The following PLXDC2 variants were observed in gnomAD, a reference collection of about 807,000 sequenced individuals.
PLXDC2 encodes plexin domain-containing protein 2.
A neutral mutation model predicts 68.9 loss-of-function variants in PLXDC2; 40 were observed. That is an observed-to-expected ratio of 0.58 (90% CI 0.45 to 0.76). The LOEUF (loss-of-function observed/expected upper bound fraction) is 0.76, where lower values mean the gene tolerates loss of function less well. Ranked by LOEUF, PLXDC2 falls within the 30% of genes least tolerant of loss-of-function variation. The probability of loss-of-function intolerance (pLI) is 0.00; values close to 1 mark genes in which losing one functional copy is unlikely to be tolerated. For missense variants in PLXDC2, 644 were observed against 661.9 expected (o/e 0.97, Z 0.30); for synonymous variants, 243 against 234.2 (o/e 1.04, Z -0.34).
intron 3 of PLXDC2, among the ~76,000 whole-genome samples, chr10:20,055,019 G>A (rs113300003): frequency 1.3e-3 from 195 of 152,122 alleles, no homozygotes; most frequent in African/African-American, 4.5e-3. Context: ...TTATCTTTCT[G>A]TATGTTGGTA....
chr10:19,960,385 AAGAAT>A (rs1022966134), intron 1 of PLXDC2, among the ~76,000 whole-genome samples: 3 of 151,964 alleles, frequency 2.0e-5, no homozygotes, highest in Non-Finnish European at 4.4e-5. Context: ...AATGAATAAG[AAGAAT>A]AAAATAAAAT....
intron 1 of PLXDC2, among the ~76,000 whole-genome samples, chr10:19,989,151 G>T (rs1831368645): frequency 6.6e-6 from 1 of 152,118 alleles, no homozygotes; most frequent in Non-Finnish European, 1.5e-5. Flanking sequence ...CTATGGTTTA[G>T]CCTGAGTAAG....
intron 6 of PLXDC2, among the ~76,000 whole-genome samples, chr10:20,150,571 A>G (rs1206011885): frequency 6.6e-6 from 1 of 152,138 alleles, no homozygotes; most frequent in African/African-American, 2.4e-5. Context: ...TTTCATTGCA[A>G]TCTAGTATAT....
intron 6 of PLXDC2, among the ~76,000 whole-genome samples, chr10:20,155,940 C>T (rs1318966547): frequency 1.3e-5 from 2 of 152,008 alleles, no homozygotes; most frequent in East Asian, 1.9e-4. Context: ...AGTGCAGTGG[C>T]GCGATCTCAG....
chr10:20,119,274 G>C (rs1833663019), intron 4 of PLXDC2, among the ~76,000 whole-genome samples: 1 of 152,074 alleles, frequency 6.6e-6, no homozygotes, highest in East Asian at 1.9e-4. Flanking sequence ...ATTTCACCTG[G>C]GTGCAGGCGG....
In PLXDC2 at chr10:19,881,177, A is replaced by G. The variant is rs866160532; in HGVS notation, c.112+63986A>G. 2.1e-4 allele frequency among the ~76,000 whole-genome samples: 32 copies of G among 151,980 alleles called. No homozygotes were observed. In the Middle Eastern group the frequency reaches 0.01, roughly 48 times the overall value. On this transcript the variant is annotated intron_variant, in intron 1 of 13. Transcript: ENST00000377252. ...GTCACCCAGGCTGGTGTGCAGTGGC[A>G]TGATCCCAACCTACTGCAACCTCTG...
At chr10:19,924,630 A>G (rs1456940596) in intron 1 of PLXDC2, among the ~76,000 whole-genome samples, 3 of 152,212 alleles carry the variant, frequency 2.0e-5, no homozygotes, top group African/African-American at 7.2e-5. Flanking sequence ...TAAAAAATAG[A>G]TATAAAATCC....
At chr10:19,842,180 A>C (rs1023613780) in intron 1 of PLXDC2, among the ~76,000 whole-genome samples, 2 of 152,168 alleles carry the variant, frequency 1.3e-5, no homozygotes, top group Non-Finnish European at 2.9e-5. Context: ...CTGGAGGCTG[A>C]GAATTGACAA....
intron 4 of PLXDC2, among the ~76,000 whole-genome samples, chr10:20,068,661 A>G (rs1035879393): frequency 3.4e-5 from 5 of 148,792 alleles, no homozygotes; most frequent in African/African-American, 1.2e-4. Flanking sequence ...TTACACACAT[A>G]TATATATACA....
At chr10:20,052,644 G>A (rs1178221087) in intron 3 of PLXDC2, among the ~76,000 whole-genome samples, 1 of 144,414 alleles carries the variant, frequency 6.9e-6, no homozygotes, top group South Asian at 2.2e-4. Flanking sequence ...CCAAGGGGAA[G>A]AAGGGAGTTT....
chr10:20,228,945 G>A (rs11011891), intron 12 of PLXDC2, among the ~76,000 whole-genome samples: 50,203 of 151,916 alleles, frequency 0.33, 8,349 homozygotes, highest in Non-Finnish European at 0.37. Flanking sequence ...TTGCATAACA[G>A]TCCACCATTG....
In PLXDC2 at chr10:20,279,897, C is replaced by G; in HGVS notation, c.*78C>G. 9.8e-7 allele frequency: 1 copy of G among 1,017,272 alleles called. No individual in the cohort carries two copies. 63.0% of individuals were successfully genotyped at this position (1,017,272 alleles called of 1,614,324 possible). A position where few individuals can be genotyped will look rare whatever the true frequency, so the allele number is the denominator to read the frequency against. The stretch of plus-strand genomic sequence containing the variant: ...ATTTTGCCTATACCTTTAAGACAAA[C>G]AAACAAACACACACACAAACAAGCT... On this transcript the variant is annotated 3_prime_UTR_variant, in exon 14 of 14. Transcript: ENST00000377252.
chr10:19,968,768 T>C (rs564975251), intron 1 of PLXDC2, among the ~76,000 whole-genome samples: 1 of 152,338 alleles, frequency 6.6e-6, no homozygotes, highest in Non-Finnish European at 1.5e-5. Flanking sequence ...AATACTCAAA[T>C]AAAATGTCTT....
intron 13 of PLXDC2, among the ~76,000 whole-genome samples, chr10:20,258,556 G>A (rs1835771867): frequency 6.6e-6 from 1 of 151,964 alleles, no homozygotes; most frequent in South Asian, 2.1e-4. Flanking sequence ...TATCTTTATA[G>A]TAAAACTATT....
intron 4 of PLXDC2, among the ~76,000 whole-genome samples, chr10:20,096,202 T>A (rs1833347150): frequency 6.6e-6 from 1 of 152,192 alleles, no homozygotes; most frequent in Admixed American, 6.5e-5. Flanking sequence ...TCCTAATTAG[T>A]ATCTTGTGCA....
At chr10:20,088,442 A>G (rs1833229923) in intron 4 of PLXDC2, among the ~76,000 whole-genome samples, 1 of 152,184 alleles carries the variant, frequency 6.6e-6, no homozygotes, top group South Asian at 2.1e-4. Flanking sequence ...ACTCTGGGAT[A>G]ACTATGATTT....
intron 1 of PLXDC2, among the ~76,000 whole-genome samples, chr10:19,972,244 C>T (rs1488003384): frequency 1.3e-5 from 2 of 152,168 alleles, no homozygotes; most frequent in African/African-American, 4.8e-5. Context: ...TACATCTATA[C>T]TGTGGAATTC....
intron 1 of PLXDC2, among the ~76,000 whole-genome samples, chr10:19,936,389 A>C (rs1480942758): frequency 2.0e-5 from 3 of 152,234 alleles, no homozygotes; most frequent in African/African-American, 7.2e-5. Context: ...GAGGCTATAG[A>C]GACTCTGTTG....
intron 11 of PLXDC2, among the ~76,000 whole-genome samples, chr10:20,218,114 G>T (rs979733931): frequency 1.3e-5 from 2 of 152,060 alleles, no homozygotes; most frequent in Non-Finnish European, 2.9e-5. Flanking sequence ...CTCTTCTAAG[G>T]TAGGCAGAAA....
Sources: gnomAD v4.1 joint callset for allele counts (sites outside exome capture counted in the v4.1 genomes callset) on GRCh38, gnomAD v4.1.1 for gene constraint, MANE v1.5 for transcripts, NCBI Gene and HGNC (gene_info 2026-07-23, HGNC 2026-07-21) for gene names.